Variants in ALCAM observed in about 807,000 individuals in gnomAD.
The protein encoded by ALCAM is CD166 antigen.
Under a neutral mutation model 70.9 loss-of-function variants are expected in ALCAM, and 30 were observed. That is an observed-to-expected ratio of 0.42 (90% confidence interval 0.32 to 0.57). The LOEUF (loss-of-function observed/expected upper bound fraction) is 0.57. ALCAM is among the 20% of genes least tolerant of loss of function. ALCAM has a pLI of 0.11. For missense variants in ALCAM, 591 were observed against 695.1 expected, an observed-to-expected ratio of 0.85 and a Z score of 1.68; for synonymous variants, 249 against 242.5, an observed-to-expected ratio of 1.03 and a Z score of -0.25.
At chr3:105,509,543 G>GTTTT (rs1348638940) in intron 1 of ALCAM, among the ~76,000 whole-genome samples, 1 of 151,212 alleles carries the variant, frequency 6.6e-6, no homozygotes. Context: ...TCATGTGCCT[G>GTTTT]TTTTTTTTAT....
intron 1 of ALCAM, among the ~76,000 whole-genome samples, chr3:105,392,233 C>A (rs940267977): frequency 6.6e-6 from 1 of 151,576 alleles, no homozygotes; most frequent in Non-Finnish European, 1.5e-5. Context: ...CTATTTATTG[C>A]TGCCTCAATT....
chr3:105,454,653 ATTTTTTTTTTTTTTTTT>A (rs59389132), intron 1 of ALCAM, among the ~76,000 whole-genome samples: 8 of 61,752 alleles, frequency 1.3e-4, no homozygotes, highest in Admixed American at 2.9e-4. Flanking sequence ...ATGCTCATTA[ATTTTTTTTTTTTTTTTT>A]TTTTTTTTTT....
chr3:105,456,172 T>A (rs1937533438), intron 1 of ALCAM, among the ~76,000 whole-genome samples: 1 of 152,184 alleles, frequency 6.6e-6, no homozygotes, highest in African/African-American at 2.4e-5. Context: ...GCACACTGCC[T>A]ATGGGGTAGC....
intron 1 of ALCAM, among the ~76,000 whole-genome samples, chr3:105,515,215 A>T (rs1939350095): frequency 6.6e-6 from 1 of 152,026 alleles, no homozygotes; most frequent in Non-Finnish European, 1.5e-5. Context: ...GTTTGAAAAA[A>T]ATACCTTTTT....
intron 1 of ALCAM, among the ~76,000 whole-genome samples, chr3:105,495,148 C>T (rs2152613155): frequency 6.6e-6 from 1 of 152,322 alleles, no homozygotes; most frequent in Non-Finnish European, 1.5e-5. Flanking sequence ...AATAACACCA[C>T]TTAATCTGTG....
At position 105,534,550 on chromosome 3, in the gene ALCAM, C is replaced by T. The variant is rs2306724; in HGVS notation, c.548-113C>T. On this transcript the variant is annotated intron_variant, in intron 5 of 15. Transcript: ENST00000306107. ...CACTACATGTCAATTTTCTCTCCTG[C>T]TGAATACAGTTAGAAGGAAAAAAAA... 5.7e-3 allele frequency: 5,717 copies of T among 1,003,884 alleles called. 61 individuals carry two copies. Among genetic ancestry groups the T allele is most frequent in the East Asian group, 0.041 (1,665 of 40,200 alleles). The allele number at this position is 1,003,884 out of a possible 1,614,324, so 62.2% of individuals were successfully genotyped here.
intron 12 of ALCAM, among the ~76,000 whole-genome samples, chr3:105,550,693 T>C (rs1244685820): frequency 6.6e-6 from 1 of 151,624 alleles, no homozygotes; most frequent in Non-Finnish European, 1.5e-5. Context: ...CCTACCCTTA[T>C]GTTGTACTAG....
intron 1 of ALCAM, among the ~76,000 whole-genome samples, chr3:105,401,231 T>A (rs1244642127): frequency 1.3e-5 from 2 of 152,164 alleles, no homozygotes; most frequent in African/African-American, 2.4e-5. Context: ...TAGAAATAAA[T>A]GTAAGTAGAC....
At chr3:105,371,061 T>C (rs1935216424) in intron 1 of ALCAM, among the ~76,000 whole-genome samples, 1 of 152,154 alleles carries the variant, frequency 6.6e-6, no homozygotes, top group East Asian at 1.9e-4. Context: ...ATCCAAAATA[T>C]CTTGTCTTAC....
rs537083792 is a variant in ALCAM, at chr3:105,572,086, G to T, written c.*25+122G>T. On this transcript the variant is annotated intron_variant, in intron 15 of 15. Transcript: ENST00000306107. Reference sequence around the variant, plus strand: ...CAGCTTTCAAAACAGGAAGAGAGGGGTTTTTTTTCTTTTTATTATGCTTTA... The same window carrying T: ...CAGCTTTCAAAACAGGAAGAGAGGGTTTTTTTTTCTTTTTATTATGCTTTA... 1.7e-4 allele frequency: 100 copies of T among 584,970 alleles called. 1 individual carries two copies. The highest frequency in any genetic ancestry group is 6.0e-4 in the African/African-American group (32 of 53,454). 36.2% of individuals were successfully genotyped at this position (584,970 alleles called of 1,614,324 possible). A position where few individuals can be genotyped will look rare whatever the true frequency, so the allele number is the denominator to read the frequency against.
intron 1 of ALCAM, among the ~76,000 whole-genome samples, chr3:105,408,085 C>T (rs1345708315): frequency 1.3e-5 from 2 of 151,786 alleles, no homozygotes; most frequent in African/African-American, 4.8e-5. Context: ...GAAAACACAC[C>T]CCATGCTCAT....
chr3:105,475,373 G>A (rs955682613), intron 1 of ALCAM, among the ~76,000 whole-genome samples: 3 of 151,918 alleles, frequency 2.0e-5, no homozygotes, highest in Non-Finnish European at 4.4e-5. Context: ...TTGCTCTGAG[G>A]AGAAATCACT....
At chr3:105,454,597 T>TTGTTTATTTC (rs1425865480) in intron 1 of ALCAM, among the ~76,000 whole-genome samples, 1 of 150,874 alleles carries the variant, frequency 6.6e-6, no homozygotes, top group African/African-American at 2.4e-5. Flanking sequence ...TTCTTCAACA[T>TTGTTTATTTC]TGTTTATTTC....
chr3:105,566,905 G>T (rs1435300901), intron 14 of ALCAM, among the ~76,000 whole-genome samples: 1 of 151,584 alleles, frequency 6.6e-6, no homozygotes, highest in Admixed American at 6.6e-5. Flanking sequence ...ACTTCCCTTC[G>T]AAGAACTTCC....
At chr3:105,423,998 T>C (rs767569069) in intron 1 of ALCAM, among the ~76,000 whole-genome samples, 9 of 151,640 alleles carry the variant, frequency 5.9e-5, no homozygotes, top group Non-Finnish European at 1.0e-4. Context: ...ATTCATTCAC[T>C]AACATTTTTG....
At chr3:105,549,776 A>G (rs11717732) in intron 11 of ALCAM, among the ~76,000 whole-genome samples, 25,816 of 151,452 alleles carry the variant, frequency 0.17, 2,683 homozygotes, top group East Asian at 0.45. Flanking sequence ...TTAAATTCAT[A>G]TATTTATTGG....
intron 1 of ALCAM, among the ~76,000 whole-genome samples, chr3:105,395,936 T>C (rs1383036585): frequency 6.6e-6 from 1 of 151,964 alleles, no homozygotes; most frequent in Non-Finnish European, 1.5e-5. Context: ...GTTTGCCTAG[T>C]TCTGAATTCA....
intron 1 of ALCAM, among the ~76,000 whole-genome samples, chr3:105,398,264 C>G (rs904606241): frequency 6.6e-6 from 1 of 151,976 alleles, no homozygotes; most frequent in Non-Finnish European, 1.5e-5. Flanking sequence ...CTGTGCTGAC[C>G]CATGCATGCC....
intron 3 of ALCAM, chr3:105,525,121 A>G (rs1939662385): frequency 2.5e-5 from 25 of 981,296 alleles, no homozygotes; most frequent in Non-Finnish European, 3.0e-5. Context: ...TTAGATTTCA[A>G]AAAGTATTCA....
Sources: gnomAD v4.1 joint callset for allele counts (sites outside exome capture counted in the v4.1 genomes callset) on GRCh38, gnomAD v4.1.1 for gene constraint, MANE v1.5 for transcripts, NCBI Gene and HGNC (gene_info 2026-07-23, HGNC 2026-07-21) for gene names.